The following PCDHA1 variants were observed in gnomAD, a reference collection of about 807,000 sequenced individuals.
PCDHA1 encodes the protein protocadherin alpha-1.
Under a neutral mutation model 61.3 loss-of-function variants are expected in PCDHA1, and 42 were observed. The observed-to-expected ratio is 0.69, with a 90% CI of 0.54 to 0.89. The LOEUF (loss-of-function observed/expected upper bound fraction) is 0.89, where lower values mean the gene tolerates loss of function less well. Ranked by LOEUF, PCDHA1 falls within the 40% of genes least tolerant of loss-of-function variation. PCDHA1 has a pLI of 0.00. For synonymous variants in PCDHA1, 610 were observed against 553.8 expected (o/e 1.10, Z -1.43); for missense variants, 1,256 against 1,235.3 (o/e 1.02, Z -0.25).
chr5:140,806,931 A>T (rs1485084454), intron 1 of PCDHA1: 1 of 526,084 alleles, frequency 1.9e-6, no homozygotes, highest in Non-Finnish European at 3.3e-6. Context: ...AAAACCAAGT[A>T]GTTTACAGTA....
chr5:140,912,241 T>C (rs939016891), intron 1 of PCDHA1, among the ~76,000 whole-genome samples: 1 of 152,164 alleles, frequency 6.6e-6, no homozygotes, highest in African/African-American at 2.4e-5. Flanking sequence ...GACTCAAATG[T>C]TAATCTCCTT....
Position 140,842,238 on chromosome 5 carries a change from G to A in PCDHA1, c.2394+53554G>A, listed in dbSNP as rs1554138909. ...AATACGGGAGAAATAGTGATTCGGG[G>A]TAATTTGGATTTTGAACAAGAAAAC... On this transcript the variant is annotated intron_variant, in intron 1 of 3. Coordinates refer to ENST00000504120, the MANE Select transcript of PCDHA1 (RefSeq NM_018900.4). 6.2e-6 allele frequency: 10 copies of A among 1,612,562 alleles called. No homozygotes were observed. Among genetic ancestry groups the A allele is most frequent in the South Asian group, 2.2e-5 (2 of 91,028 alleles).
chr5:140,805,858 T>C (rs1469132230), intron 1 of PCDHA1, among the ~76,000 whole-genome samples: 1 of 152,160 alleles, frequency 6.6e-6, no homozygotes, highest in East Asian at 1.9e-4. Flanking sequence ...TCACCTTAAA[T>C]TAATGCATTT....
At chr5:140,929,481 A>G (rs1192778322) in intron 1 of PCDHA1, 4 of 1,195,836 alleles carry the variant, frequency 3.3e-6, no homozygotes, top group Non-Finnish European at 4.5e-6. Flanking sequence ...GGAAGTATAG[A>G]AGTATTAGAA....
intron 1 of PCDHA1, chr5:140,883,148 A>G (rs1554176918): frequency 5.0e-6 from 8 of 1,614,078 alleles, no homozygotes; most frequent in Non-Finnish European, 6.8e-6. Context: ...ATATGCATTT[A>G]CCATAAATCC....
intron 1 of PCDHA1, chr5:140,823,648 C>T (rs1767819943): frequency 3.7e-6 from 6 of 1,613,904 alleles, no homozygotes; most frequent in Non-Finnish European, 5.1e-6. Flanking sequence ...CCGCGTGGGG[C>T]TGTACACAGG....
chr5:140,879,475 A>G (rs567061434), intron 1 of PCDHA1, among the ~76,000 whole-genome samples: 1 of 152,326 alleles, frequency 6.6e-6, no homozygotes, highest in Non-Finnish European at 1.5e-5. Flanking sequence ...TACCGTTGTG[A>G]TTGGAAATAT....
Position 140,828,948 on chromosome 5 carries a change from C to T in PCDHA1, c.2394+40264C>T, listed in dbSNP as rs2150161275. The T allele has an allele frequency of 2.9e-4, 471 of 1,614,172 alleles. 5 individuals carry two copies. The South Asian group carries it at 4.8e-3, about 17-fold the overall frequency. Reference sequence around the variant, plus strand: ...TCATATTCTTTTAATAGCCTTGTTGCAGCCATGGTTATTGACCACTTTAGC... The same window carrying T: ...TCATATTCTTTTAATAGCCTTGTTGTAGCCATGGTTATTGACCACTTTAGC... On this transcript the variant is annotated intron_variant, in intron 1 of 3. Coordinates refer to ENST00000504120, the MANE Select transcript of PCDHA1 (RefSeq NM_018900.4).
At chr5:140,907,938 T>C (rs2073706734) in intron 1 of PCDHA1, among the ~76,000 whole-genome samples, 1 of 152,206 alleles carries the variant, frequency 6.6e-6, no homozygotes, top group African/African-American at 2.4e-5. Flanking sequence ...TCACATACCT[T>C]TTCCCCAAAT....
chr5:140,875,655 G>C, intron 1 of PCDHA1: 1 of 1,613,724 alleles, frequency 6.2e-7, no homozygotes, highest in Middle Eastern at 1.7e-4. Context: ...AGCTGGTGCC[G>C]CGCCTGTTCC....
At chr5:140,796,326 G>A (rs540494529) in intron 1 of PCDHA1, 3 of 1,608,872 alleles carry the variant, frequency 1.9e-6, no homozygotes, top group South Asian at 1.1e-5. Context: ...ACGCGCCGGC[G>A]TTCGCACAGC....
intron 1 of PCDHA1, among the ~76,000 whole-genome samples, chr5:140,893,520 T>G (rs1490032872): frequency 6.6e-6 from 1 of 152,152 alleles, no homozygotes; most frequent in Non-Finnish European, 1.5e-5. Flanking sequence ...GTTGTAGAAC[T>G]CCTTTAAGTA....
chr5:140,843,586 G>T lies in PCDHA1; in HGVS notation c.2394+54902G>T, dbSNP rs2150363126. The T allele has an allele frequency of 4.4e-6, 7 of 1,596,012 alleles. 1 individual carries two copies. Among genetic ancestry groups the T allele is most frequent in the African/African-American group, 1.3e-5 (1 of 74,542 alleles). Reference sequence around the variant, plus strand: ...GCTGGTCATACTCGCAACAACAGCCGCAGAGGGTGTGCTCTGGTGAGGGGC... The same window carrying T: ...GCTGGTCATACTCGCAACAACAGCCTCAGAGGGTGTGCTCTGGTGAGGGGC... On this transcript the variant is annotated intron_variant, in intron 1 of 3. Coordinates refer to ENST00000504120, the MANE Select transcript of PCDHA1 (RefSeq NM_018900.4).
chr5:140,926,892 G>A (rs781956892), intron 1 of PCDHA1: 10 of 1,546,640 alleles, frequency 6.5e-6, no homozygotes, highest in African/African-American at 2.7e-5. Context: ...CTAGAGGGAG[G>A]ATGGTGGGCT....
At chr5:140,898,371 G>A (rs13156913) in intron 1 of PCDHA1, among the ~76,000 whole-genome samples, 3 of 152,142 alleles carry the variant, frequency 2.0e-5, no homozygotes, top group African/African-American at 7.2e-5. Flanking sequence ...TTTGTATAAG[G>A]TGTAAGGAAG....
chr5:140,931,215 CAG>C (rs2087377353), intron 1 of PCDHA1, among the ~76,000 whole-genome samples: 1 of 152,106 alleles, frequency 6.6e-6, no homozygotes, highest in East Asian at 1.9e-4. Flanking sequence ...TTTCAGGTAT[CAG>C]AGCACTTAAT....
chr5:140,883,065 C>G, intron 1 of PCDHA1: 1 of 1,614,056 alleles, frequency 6.2e-7, no homozygotes, highest in Non-Finnish European at 8.5e-7. Context: ...AAGCTAAATG[C>G]CACAGATCCT....
intron 1 of PCDHA1, chr5:140,796,533 G>A: frequency 6.2e-7 from 1 of 1,612,766 alleles, no homozygotes; most frequent in Non-Finnish European, 8.5e-7. Flanking sequence ...TGCAGCCGCT[G>A]GACCACGAGG....
chr5:140,970,854 T>TC (rs112843531), intron 1 of PCDHA1, among the ~76,000 whole-genome samples: 13,960 of 152,238 alleles, frequency 0.092, 852 homozygotes, highest in African/African-American at 0.17. Context: ...GCACAAAAGT[T>TC]CCATTCCTGA....
Sources: allele counts gnomAD v4.1 joint callset (sites outside exome capture counted in the v4.1 genomes callset), GRCh38; gene constraint gnomAD v4.1.1; transcripts MANE v1.5; gene names NCBI Gene and HGNC (gene_info 2026-07-23, HGNC 2026-07-21).